The following ZFYVE9 variants were observed in gnomAD, a reference collection of about 807,000 sequenced individuals.
ZFYVE9 encodes the protein zinc finger FYVE domain-containing protein 9.
A neutral mutation model predicts 126.7 loss-of-function variants in ZFYVE9; 43 were observed. The observed-to-expected ratio is 0.34, with a 90% confidence interval of 0.27 to 0.44. The LOEUF (loss-of-function observed/expected upper bound fraction) is 0.44. ZFYVE9 is among the 20% of genes least tolerant of loss of function. ZFYVE9 has a pLI of 1.00. For synonymous variants in ZFYVE9, 521 were observed against 597.4 expected (o/e 0.87, Z 1.87); for missense variants, 1,476 against 1,697.0 (o/e 0.87, Z 2.29).
intron 1 of ZFYVE9, among the ~76,000 whole-genome samples, chr1:52,178,475 C>G (rs1426136827): frequency 2.0e-5 from 3 of 151,656 alleles, no homozygotes; most frequent in African/African-American, 7.3e-5. Flanking sequence ...AGGACCCAGG[C>G]ACCCACCACC....
intron 13 of ZFYVE9, among the ~76,000 whole-genome samples, chr1:52,329,696 G>C (rs1646322284): frequency 6.6e-6 from 1 of 152,068 alleles, no homozygotes. Flanking sequence ...ATGAGGTCAG[G>C]AGATCGAGAC....
At chr1:52,240,113 TTG>T (rs1645319135) in intron 4 of ZFYVE9, among the ~76,000 whole-genome samples, 1 of 152,226 alleles carries the variant, frequency 6.6e-6, no homozygotes, top group Non-Finnish European at 1.5e-5. Flanking sequence ...ACACATATTT[TTG>T]TCTTTTCTCC....
intron 10 of ZFYVE9, among the ~76,000 whole-genome samples, chr1:52,289,384 A>G (rs1227275549): frequency 1.3e-5 from 2 of 152,190 alleles, no homozygotes; most frequent in African/African-American, 4.8e-5. Flanking sequence ...ACTAGCACTG[A>G]TCTGATGATT....
chr1:52,158,271 G>GCTGGTA (rs1644421392), intron 1 of ZFYVE9, among the ~76,000 whole-genome samples: 1 of 152,184 alleles, frequency 6.6e-6, no homozygotes, highest in East Asian at 1.9e-4. Context: ...GCTAATTCTT[G>GCTGGTA]CCATTCTTTT....
intron 13 of ZFYVE9, among the ~76,000 whole-genome samples, chr1:52,331,450 TAAA>T (rs527807876): frequency 3.7e-5 from 5 of 136,294 alleles, no homozygotes; most frequent in East Asian, 2.2e-4. Flanking sequence ...CCCTGTCTCT[TAAA>T]AAAAAAAAAA....
intron 7 of ZFYVE9, among the ~76,000 whole-genome samples, chr1:52,272,501 C>T (rs568620575): frequency 2.6e-5 from 4 of 152,138 alleles, no homozygotes; most frequent in African/African-American, 7.2e-5. Context: ...GCTTTTTAAG[C>T]TCAACTTAAT....
intron 13 of ZFYVE9, among the ~76,000 whole-genome samples, chr1:52,329,555 A>T (rs1050168177): frequency 2.0e-5 from 3 of 152,218 alleles, no homozygotes; most frequent in African/African-American, 7.2e-5. Flanking sequence ...TGAAAAGACA[A>T]CCTATAAAAT....
At chr1:52,339,291 CTT>C (rs536116273) in intron 16 of ZFYVE9, among the ~76,000 whole-genome samples, 14 of 143,618 alleles carry the variant, frequency 9.7e-5, no homozygotes, top group East Asian at 2.0e-4. Context: ...CAAATAATTC[CTT>C]TTTTTTTTTT....
intron 11 of ZFYVE9, among the ~76,000 whole-genome samples, chr1:52,294,309 T>C (rs1334235413): frequency 6.6e-6 from 1 of 152,236 alleles, no homozygotes; most frequent in African/African-American, 2.4e-5. Flanking sequence ...AGTTCTCTGA[T>C]TGTGTTTCTT....
At chr1:52,160,448 G>A (rs1308178857) in intron 1 of ZFYVE9, 3 of 870,860 alleles carry the variant, frequency 3.4e-6, no homozygotes, top group Admixed American at 1.7e-5. Context: ...GCCTTTCTAT[G>A]TGTGACCTGT....
chr1:52,146,681 G>T (rs1417995188), intron 1 of ZFYVE9, among the ~76,000 whole-genome samples: 1 of 151,816 alleles, frequency 6.6e-6, no homozygotes, highest in African/African-American at 2.4e-5. Flanking sequence ...TCTGAGTTTT[G>T]AAAAAAAGAG....
At chr1:52,177,502 C>T (rs1222136190) in intron 1 of ZFYVE9, among the ~76,000 whole-genome samples, 4 of 152,088 alleles carry the variant, frequency 2.6e-5, no homozygotes, top group Non-Finnish European at 5.9e-5. Flanking sequence ...AGTACATGAC[C>T]CATGTACTCT....
In ZFYVE9 at chr1:52,293,678, G is replaced by A. The variant is rs1310692366; in HGVS notation, c.3250+1G>A. The A allele has an allele frequency of 2.5e-6, 4 of 1,612,980 alleles. No homozygotes were observed. The highest frequency in any genetic ancestry group is 1.3e-5 in the African/African-American group (1 of 74,884). On this transcript the variant is annotated splice_donor_variant, in intron 11 of 18. Coordinates refer to ENST00000287727, the MANE Select transcript of ZFYVE9 (RefSeq NM_004799.4). LOFTEE classifies it high-confidence loss of function. ...TTGAGACTTGGAGCTGAATATCGAC[G>A]TAAGTAGTAAAAACACGTTTTTCAA...
rs1277257612 is a variant in ZFYVE9, at chr1:52,255,943, CT to C, written c.2179-7826del. Among the ~76,000 whole-genome samples the C allele has an allele frequency of 2.4e-3, 294 of 122,272 alleles. 2 individuals are homozygous for C. Among genetic ancestry groups the C allele is most frequent in the African/African-American group, 1.0e-2 (241 of 24,126 alleles). 80.2% of individuals were successfully genotyped at this position (122,272 alleles called of 152,430 possible). A position where few individuals can be genotyped will look rare whatever the true frequency, so the allele number is the denominator to read the frequency against. On this transcript the variant is annotated intron_variant, in intron 4 of 18. Transcript: ENST00000287727. ...CTTTTCTTTTCTTTTCTTTTCTTTT[CT>C]TTTCTTTTCTTTTCTTTTCTTTTCT...
intron 1 of ZFYVE9, among the ~76,000 whole-genome samples, chr1:52,184,197 TTATATATATATATTTATATATATAGA>T (rs1464578993): frequency 3.4e-5 from 5 of 145,094 alleles, no homozygotes; most frequent in Admixed American, 6.9e-5. Context: ...ACAAGTGTCA[TTATATATATATATTTATATATATAGA>T]TATATATATA....
chr1:52,187,030 A>G (rs991394065), intron 1 of ZFYVE9, among the ~76,000 whole-genome samples: 19 of 152,228 alleles, frequency 1.2e-4, no homozygotes, highest in Non-Finnish European at 2.8e-4. Context: ...CAGGAAAAAG[A>G]ACAAAGCTGG....
intron 1 of ZFYVE9, among the ~76,000 whole-genome samples, chr1:52,171,795 C>T (rs2124525462): frequency 6.6e-6 from 1 of 152,238 alleles, no homozygotes; most frequent in East Asian, 1.9e-4. Context: ...ACATAAATGT[C>T]TTCTTTTGAG....
chr1:52,253,532 G>A (rs1645472788), intron 4 of ZFYVE9: 2 of 681,240 alleles, frequency 2.9e-6, no homozygotes, highest in Admixed American at 2.4e-5. Context: ...GGGAACCCAG[G>A]CTGTCCTAGG....
At chr1:52,326,938 G>A (rs751436239) in intron 13 of ZFYVE9, among the ~76,000 whole-genome samples, 1 of 151,870 alleles carries the variant, frequency 6.6e-6, no homozygotes, top group Non-Finnish European at 1.5e-5. Context: ...TGAGGTGGGT[G>A]GATCACCAGG....
Sources: gnomAD v4.1 joint callset for allele counts (sites outside exome capture counted in the v4.1 genomes callset) on GRCh38, gnomAD v4.1.1 for gene constraint, MANE v1.5 for transcripts, NCBI Gene and HGNC (gene_info 2026-07-23, HGNC 2026-07-21) for gene names.